The following PRKAR2B variants were observed in gnomAD, a reference collection of about 807,000 sequenced individuals.
The protein encoded by PRKAR2B is cAMP-dependent protein kinase type II-beta regulatory subunit.
In PRKAR2B, 14 loss-of-function variants were observed where a neutral mutation model predicts 49.9. The ratio of observed to expected loss-of-function variants is 0.28; its 90% CI spans 0.19 to 0.44. PRKAR2B has a LOEUF of 0.44. Among genes scored for constraint, PRKAR2B ranks in the 20% least tolerant of loss-of-function variants. The pLI, the probability that PRKAR2B is intolerant of heterozygous loss-of-function variation, is 1.00. For synonymous variants in PRKAR2B, 196 were observed against 197.7 expected (o/e 0.99, Z 0.07); for missense variants, 393 against 537.9 (o/e 0.73, Z 2.67).
chr7:107,121,032 A>T (rs202198736), intron 2 of PRKAR2B, among the ~76,000 whole-genome samples: 149 of 150,820 alleles, frequency 9.9e-4, no homozygotes, highest in African/African-American at 2.3e-3. Flanking sequence ...ATAATTTTTT[A>T]AAAAATTTTA....
chr7:107,144,080 ATT>A (rs1562870197), intron 5 of PRKAR2B, among the ~76,000 whole-genome samples: 6 of 150,266 alleles, frequency 4.0e-5, no homozygotes, highest in African/African-American at 1.5e-4. Context: ...TTATTTATTT[ATT>A]TATTTATTTA....
At chr7:107,045,281 G>A in intron 1 of PRKAR2B, 67 bp downstream of exon 1, 1 of 1,333,402 alleles carries the variant, frequency 7.5e-7, no homozygotes, top group African/African-American at 1.5e-5. Flanking sequence ...TCCCCGCTGT[G>A]CTCTCGGATC....
intron 5 of PRKAR2B, 133 bp from the exon 6 acceptor site, chr7:107,146,175 C>T: frequency 2.3e-6 from 2 of 876,980 alleles, no homozygotes; most frequent in Admixed American, 2.8e-5. Context: ...CAGATTGATT[C>T]CCCTTTATTG....
chr7:107,141,130 CA>C (rs1274321160), intron 5 of PRKAR2B, among the ~76,000 whole-genome samples, 177 bp downstream of exon 5: 1 of 152,138 alleles, frequency 6.6e-6, no homozygotes, highest in Non-Finnish European at 1.5e-5. Flanking sequence ...CACAGTGGAT[CA>C]TGAAAAGAGA....
rs1043558353 is a variant in PRKAR2B, at chr7:107,159,456, T to C, written c.1131T>C (p.Asp377=). ...AIGTVKCLAM[D]VQAFERLLGP... ...AATCTTCTCTTTTCTCAGCAATGGA[T>C]GTGCAAGCATTTGAAAGGCTTCTGG... Residue 377 remains aspartate (D), a synonymous_variant, in exon 11 of 11, where the codon GAT becomes GAC. Coordinates refer to ENST00000265717, the MANE Select transcript of PRKAR2B (RefSeq NM_002736.3). 5 of 1,613,814 alleles carry C rather than the reference T, an allele frequency of 3.1e-6. No homozygotes were observed. Among genetic ancestry groups the C allele is most frequent in the African/African-American group, 1.3e-5 (1 of 74,936 alleles).
intron 4 of PRKAR2B, among the ~76,000 whole-genome samples, chr7:107,129,357 G>A (rs1489896688): frequency 3.9e-5 from 6 of 152,068 alleles, no homozygotes; most frequent in African/African-American, 1.2e-4. Flanking sequence ...TCCATTACTG[G>A]CTTTGATAGG....
At chr7:107,146,611 A>C in intron 6 of PRKAR2B, 150 bp downstream of exon 6, 1 of 849,058 alleles carries the variant, frequency 1.2e-6, no homozygotes, top group South Asian at 1.9e-5. Context: ...ACTGTAGGGC[A>C]CTAAGACTTC....
intron 2 of PRKAR2B, among the ~76,000 whole-genome samples, chr7:107,102,669 ATTTT>A (rs914635842): frequency 6.6e-6 from 1 of 152,014 alleles, no homozygotes; most frequent in African/African-American, 2.4e-5. Context: ...GGAAGAAAAG[ATTTT>A]TTTGTTTGTT....
At chr7:107,087,361 G>A (rs944429708) in intron 2 of PRKAR2B, among the ~76,000 whole-genome samples, 1 of 151,936 alleles carries the variant, frequency 6.6e-6, no homozygotes, top group Non-Finnish European at 1.5e-5. Context: ...AAAAGAACTT[G>A]GGTTCCATTT....
intron 7 of PRKAR2B, among the ~76,000 whole-genome samples, chr7:107,151,684 G>T (rs1795990868): frequency 6.6e-6 from 1 of 152,200 alleles, no homozygotes; most frequent in Non-Finnish European, 1.5e-5. Context: ...GCCTACAGCT[G>T]GGAACAGTCA....
intron 1 of PRKAR2B, among the ~76,000 whole-genome samples, chr7:107,061,855 C>T (rs1471410270): frequency 1.3e-5 from 2 of 152,094 alleles, no homozygotes; most frequent in African/African-American, 2.4e-5. Flanking sequence ...CAAGACTGTG[C>T]CACTGCACTC....
chr7:107,066,657 C>T (rs543830919), intron 1 of PRKAR2B: 1 of 152,136 alleles, frequency 6.6e-6, no homozygotes, highest in Admixed American at 6.6e-5. Flanking sequence ...CAACCTCTGA[C>T]TTCTGGGTTC....
intron 10 of PRKAR2B, among the ~76,000 whole-genome samples, chr7:107,157,978 C>T (rs1337508308): frequency 6.6e-6 from 1 of 152,180 alleles, no homozygotes; most frequent in Non-Finnish European, 1.5e-5. Flanking sequence ...CTGTGCTTTT[C>T]ATCCATAATT....
chr7:107,111,921 T>C (rs1169179340), intron 2 of PRKAR2B, among the ~76,000 whole-genome samples: 1 of 147,998 alleles, frequency 6.8e-6, no homozygotes, highest in Non-Finnish European at 1.5e-5. Context: ...AATCGTAGCA[T>C]GTTTGGAGGT....
intron 2 of PRKAR2B, among the ~76,000 whole-genome samples, chr7:107,085,715 C>G (rs1794606838): frequency 6.6e-6 from 1 of 152,092 alleles, no homozygotes; most frequent in East Asian, 1.9e-4. Context: ...GTATTGTGTT[C>G]TATTTTCCAT....
intron 1 of PRKAR2B, among the ~76,000 whole-genome samples, chr7:107,061,368 A>G (rs753812981): frequency 1.5e-4 from 23 of 152,326 alleles, no homozygotes; most frequent in Admixed American, 3.9e-4. Flanking sequence ...ATCCATGAAC[A>G]TGATATATCT....
intron 1 of PRKAR2B, among the ~76,000 whole-genome samples, chr7:107,057,317 G>A (rs898318913): frequency 6.6e-6 from 1 of 150,990 alleles, no homozygotes; most frequent in Non-Finnish European, 1.5e-5. Context: ...AACTGAATGT[G>A]TTCTCTCGTT....
chr7:107,096,164 G>A (rs6466159), intron 2 of PRKAR2B, among the ~76,000 whole-genome samples: 79,105 of 151,954 alleles, frequency 0.52, 22,060 homozygotes, highest in South Asian at 0.62. Context: ...GCTATTAATT[G>A]TTGCCTCAAT....
intron 1 of PRKAR2B, among the ~76,000 whole-genome samples, chr7:107,047,914 C>T (rs568885756): frequency 1.3e-5 from 2 of 152,328 alleles, no homozygotes; most frequent in African/African-American, 4.8e-5. Flanking sequence ...AGTTCCATGA[C>T]TGTACTTTGG....
Sources: allele counts gnomAD v4.1 joint callset (sites outside exome capture counted in the v4.1 genomes callset), GRCh38; gene constraint gnomAD v4.1.1; transcripts MANE v1.5; gene names NCBI Gene and HGNC (gene_info 2026-07-23, HGNC 2026-07-21).